Variants in MARCHF1 observed in about 807,000 individuals in gnomAD.
MARCHF1 encodes membrane associated ring-CH-type finger 1.
In MARCHF1, 40 loss-of-function variants were observed where a neutral mutation model predicts 54.2. The ratio of observed to expected loss-of-function variants is 0.74; its 90% CI spans 0.57 to 0.96. MARCHF1 has a LOEUF of 0.96. MARCHF1 is among the 40% of genes least tolerant of loss of function. The probability of loss-of-function intolerance (pLI) is 0.00; values close to 1 mark genes in which losing one functional copy is unlikely to be tolerated. For missense variants in MARCHF1, 586 were observed against 656.5 expected, an observed-to-expected ratio of 0.89 and a Z score of 1.17; for synonymous variants, 236 against 236.3, an observed-to-expected ratio of 1.00 and a Z score of 0.01.
chr4:164,336,278 A>T (rs752335309), intron 1 of MARCHF1, among the ~76,000 whole-genome samples: 1 of 152,214 alleles, frequency 6.6e-6, no homozygotes, highest in African/African-American at 2.4e-5. Context: ...AAGTGGTGTT[A>T]TGGTGGTAAA....
intron 1 of MARCHF1, among the ~76,000 whole-genome samples, chr4:164,346,527 C>T (rs921467751): frequency 1.3e-5 from 2 of 150,716 alleles, no homozygotes; most frequent in Non-Finnish European, 3.0e-5. Flanking sequence ...TCTTTTGCCT[C>T]TTGGTATCTG....
intron 5 of MARCHF1, among the ~76,000 whole-genome samples, chr4:163,663,362 T>C (rs1023237908): frequency 1.3e-5 from 2 of 152,010 alleles, no homozygotes; most frequent in Non-Finnish European, 2.9e-5. Flanking sequence ...GCAGCCACAC[T>C]GTCAGCTCTC....
intron 1 of MARCHF1, among the ~76,000 whole-genome samples, chr4:164,205,522 TAAGAAA>T (rs912977640): frequency 3.3e-5 from 5 of 152,166 alleles, no homozygotes; most frequent in African/African-American, 1.2e-4. Flanking sequence ...ATTGATTGCC[TAAGAAA>T]AAGAAAGATT....
At chr4:164,239,314 T>G (rs1732658673) in intron 1 of MARCHF1, among the ~76,000 whole-genome samples, 1 of 152,112 alleles carries the variant, frequency 6.6e-6, no homozygotes, top group Non-Finnish European at 1.5e-5. Flanking sequence ...TCCACTATGG[T>G]TGGATAAAGG....
At chr4:164,036,550 C>A (rs1291159908) in intron 2 of MARCHF1, among the ~76,000 whole-genome samples, 1 of 152,068 alleles carries the variant, frequency 6.6e-6, no homozygotes, top group Non-Finnish European at 1.5e-5. Flanking sequence ...AATGAAAGTG[C>A]ACACAATTTG....
chr4:164,032,431 G>A (rs1012247420), intron 2 of MARCHF1, among the ~76,000 whole-genome samples: 5 of 152,108 alleles, frequency 3.3e-5, no homozygotes, highest in Admixed American at 3.3e-4. Flanking sequence ...ATGTTAGGGT[G>A]TCAATGTGAA....
chr4:164,125,210 T>G (rs971932088), intron 1 of MARCHF1, among the ~76,000 whole-genome samples: 1 of 152,144 alleles, frequency 6.6e-6, no homozygotes, highest in Non-Finnish European at 1.5e-5. Flanking sequence ...ACAAAATTTA[T>G]TAGGTAAATA....
intron 4 of MARCHF1, among the ~76,000 whole-genome samples, chr4:163,789,427 A>T (rs1315660925): frequency 6.6e-6 from 1 of 151,990 alleles, no homozygotes; most frequent in Non-Finnish European, 1.5e-5. Flanking sequence ...GGGATGAAAT[A>T]ATCTGTATAA....
intron 4 of MARCHF1, among the ~76,000 whole-genome samples, chr4:163,735,416 T>C (rs1000232681): frequency 1.3e-5 from 2 of 152,210 alleles, no homozygotes; most frequent in African/African-American, 2.4e-5. Flanking sequence ...TAAAGATTTA[T>C]TGACACAAAT....
intron 1 of MARCHF1, among the ~76,000 whole-genome samples, chr4:164,134,648 A>G (rs1054398284): frequency 2.6e-5 from 4 of 152,116 alleles, no homozygotes; most frequent in Admixed American, 2.0e-4. Context: ...AAACTTAAGA[A>G]ATAGACATGA....
chr4:163,723,279 A>G (rs1177674776), intron 4 of MARCHF1, among the ~76,000 whole-genome samples: 15 of 152,150 alleles, frequency 9.9e-5, no homozygotes, highest in Non-Finnish European at 2.2e-4. Flanking sequence ...TCCTTCACTT[A>G]TGAAGCTTAG....
intron 4 of MARCHF1, among the ~76,000 whole-genome samples, chr4:163,797,328 T>C (rs1277294396): frequency 9.3e-6 from 1 of 107,840 alleles, no homozygotes; most frequent in Non-Finnish European, 2.0e-5. Context: ...TGTGATACGG[T>C]GTGTATGTGT....
intron 5 of MARCHF1, among the ~76,000 whole-genome samples, chr4:163,656,068 G>C (rs1743127345): frequency 6.7e-6 from 1 of 148,786 alleles, no homozygotes; most frequent in South Asian, 2.1e-4. Context: ...AAGCAGAACT[G>C]AAGGAGACAG....
chr4:163,717,110 AG>A (rs1745286107), intron 4 of MARCHF1, among the ~76,000 whole-genome samples: 1 of 150,032 alleles, frequency 6.7e-6, no homozygotes, highest in Non-Finnish European at 1.5e-5. Context: ...CTCGTCATTT[AG>A]CATTAGGTAT....
At chr4:163,892,403 C>A (rs1294879502) in intron 3 of MARCHF1, among the ~76,000 whole-genome samples, 1 of 151,972 alleles carries the variant, frequency 6.6e-6, no homozygotes, top group Non-Finnish European at 1.5e-5. Flanking sequence ...TTGTCACAAT[C>A]CCACTGAATG....
At chr4:164,317,304 T>C (rs1735025385) in intron 1 of MARCHF1, among the ~76,000 whole-genome samples, 1 of 152,144 alleles carries the variant, frequency 6.6e-6, no homozygotes, top group Admixed American at 6.6e-5. Flanking sequence ...AAAATAACCG[T>C]TGCTTAAACA....
chr4:164,356,621 G>T (rs1730547358), intron 1 of MARCHF1, among the ~76,000 whole-genome samples: 2 of 141,936 alleles, frequency 1.4e-5, no homozygotes, highest in East Asian at 2.1e-4. Flanking sequence ...GGTGGGGTGG[G>T]GGGAGTGGGG....
intron 5 of MARCHF1, among the ~76,000 whole-genome samples, chr4:163,662,712 T>C (rs1193855075): frequency 6.6e-6 from 1 of 152,030 alleles, no homozygotes; most frequent in Admixed American, 6.6e-5. Context: ...AGTGGTGGCT[T>C]TCCCTCTAGG....
intron 1 of MARCHF1, among the ~76,000 whole-genome samples, chr4:164,326,915 G>C (rs1213450068): frequency 6.7e-6 from 1 of 149,500 alleles, no homozygotes. Context: ...GGTTCAATAG[G>C]GGGTTAATAA....
Sources: allele counts gnomAD v4.1 joint callset (sites outside exome capture counted in the v4.1 genomes callset), GRCh38; gene constraint gnomAD v4.1.1; transcripts MANE v1.5; gene names NCBI Gene and HGNC (gene_info 2026-07-23, HGNC 2026-07-21).